PAX9: variants seen among roughly 807,000 people sequenced by gnomAD.
PAX9 encodes the protein paired box protein Pax-9.
Under a neutral mutation model 29.1 loss-of-function variants are expected in PAX9, and 6 were observed. The observed-to-expected ratio is 0.21, with a 90% CI of 0.11 to 0.41. PAX9 has a LOEUF of 0.41. Among genes scored for constraint, PAX9 ranks in the 10% least tolerant of loss-of-function variants. The pLI is 1.00. For missense variants in PAX9, 443 were observed against 479.1 expected, an observed-to-expected ratio of 0.92 and a Z score of 0.70; for synonymous variants, 217 against 211.7, an observed-to-expected ratio of 1.03 and a Z score of -0.22.
In PAX9 at chr14:36,661,968, G is replaced by A. The variant is rs1566466160; in HGVS notation, c.-122G>A. ...TTTTGCCCTCTCGCCTCCTCCTCCT[G>A]GGAAGAAGCGGAGGCGCCGGCGGTC... On this transcript the variant is annotated 5_prime_UTR_variant, in exon 1 of 4. Transcript: ENST00000361487. 2.4e-6 allele frequency: 3 copies of A among 1,230,392 alleles called. No homozygotes were observed. Among genetic ancestry groups the A allele is most frequent in the Non-Finnish European group, 3.5e-6 (3 of 855,504 alleles). 76.2% of individuals were successfully genotyped at this position (1,230,392 alleles called of 1,614,324 possible).
chr14:36,676,732 C>G lies in PAX9; in HGVS notation c.*280C>G. On this transcript the variant is annotated 3_prime_UTR_variant, in exon 4 of 4. Coordinates refer to ENST00000361487, the MANE Select transcript of PAX9 (RefSeq NM_001372076.1). ...TTGCCCACATACTGTCTTAACATAACAAAGAAACCTACACCCCTCAAAGGG... is the reference window on the plus strand; with the variant it reads ...TTGCCCACATACTGTCTTAACATAAGAAAGAAACCTACACCCCTCAAAGGG... 2.1e-6 allele frequency: 1 copy of G among 477,376 alleles called. No homozygotes were observed. The highest frequency in any genetic ancestry group is 3.8e-6 in the Non-Finnish European group (1 of 260,490). 29.6% of individuals were successfully genotyped at this position (477,376 alleles called of 1,614,324 possible).
At chr14:36,664,568 G>GGTTTTTTTT (rs1161471989) in intron 2 of PAX9, among the ~76,000 whole-genome samples, 101 of 141,992 alleles carry the variant, frequency 7.1e-4, no homozygotes, top group Middle Eastern at 3.8e-3. Context: ...CTTTTACTGA[G>GGTTTTTTTT]TTTTTTTTTT....
rs148038041 is a variant in PAX9, at chr14:36,679,128, A to G, written c.*2676A>G. ...CAGCGCTCTCATTGGATGTAAGAAT[A>G]TTACCTGCAAGGATAGAATGCAGTT... On this transcript the variant is annotated 3_prime_UTR_variant, in exon 4 of 4. Transcript: ENST00000361487. 9.5e-4 allele frequency: 932 copies of G among 985,416 alleles called. 5 individuals are homozygous for G. The African/African-American group carries it at 0.015, about 16-fold the overall frequency. 61.0% of individuals were successfully genotyped at this position (985,416 alleles called of 1,614,324 possible).
At chr14:36,665,061 G>A (rs1014533059) in intron 2 of PAX9, among the ~76,000 whole-genome samples, 1 of 150,284 alleles carries the variant, frequency 6.7e-6, no homozygotes, top group African/African-American at 2.4e-5. Context: ...ACTGCCTTTT[G>A]TCTGGGAAGG....
intron 3 of PAX9, chr14:36,671,860 C>T (rs1477469924): frequency 6.6e-6 from 1 of 152,122 alleles, no homozygotes; most frequent in African/African-American, 2.4e-5. Context: ...CCGTTAATGT[C>T]AGTGTGATGA....
At chr14:36,673,719 T>G (rs1274373444) in intron 3 of PAX9, among the ~76,000 whole-genome samples, 1 of 152,150 alleles carries the variant, frequency 6.6e-6, no homozygotes, top group African/African-American at 2.4e-5. Context: ...AAAGAATGGG[T>G]AGGAAAAATT....
At chr14:36,660,026 G>T (rs193167745), upstream of PAX9, among the ~76,000 whole-genome samples, 294 of 152,242 alleles carry the variant, frequency 1.9e-3, no homozygotes, top group African/African-American at 6.7e-3. Flanking sequence ...TGGCGCAGAG[G>T]TCGATACTCA....
chr14:36,665,830 G>C (rs1169278289), intron 2 of PAX9, among the ~76,000 whole-genome samples: 7 of 152,234 alleles, frequency 4.6e-5, no homozygotes, highest in African/African-American at 1.7e-4. Flanking sequence ...TGTAGAGGTA[G>C]TGTATCAAGG....
intron 2 of PAX9, 172 bp from the exon 3 acceptor site, chr14:36,666,290 G>A: frequency 2.7e-6 from 2 of 736,004 alleles, no homozygotes; most frequent in Non-Finnish European, 4.4e-6. Context: ...CCAGGCCCTG[G>A]GCTGGAAGCA....
At chr14:36,669,848 A>G (rs1158670650) in intron 3 of PAX9, among the ~76,000 whole-genome samples, 1 of 152,020 alleles carries the variant, frequency 6.6e-6, no homozygotes, top group Admixed American at 6.5e-5. Flanking sequence ...AGAAGTCCTT[A>G]TTGTCTCTGA....
Position 36,679,015 on chromosome 14 carries a change from T to TAA in PAX9, c.*2565_*2566dup, listed in dbSNP as rs3061566. 0.5 allele frequency: 494,567 copies of TAA among 980,722 alleles called. 126,060 individuals carry two copies. Among genetic ancestry groups the TAA allele is most frequent in the Admixed American group, 0.61 (9,958 of 16,258 alleles). The allele number at this position is 980,722 out of a possible 1,614,324, so 60.8% of individuals were successfully genotyped here. A position where few individuals can be genotyped will look rare whatever the true frequency, so the allele number is the denominator to read the frequency against. ...TCATAGATGGTAAAAGTGTTGCTTT[T>TAA]AAACTGGCAAATGCACTCTTCAGAA... On this transcript the variant is annotated 3_prime_UTR_variant, in exon 4 of 4. Coordinates refer to ENST00000361487, the MANE Select transcript of PAX9 (RefSeq NM_001372076.1).
At chr14:36,666,626 G>T (rs1398831108) in intron 3 of PAX9, 25 bp downstream of exon 3, 2 of 1,555,234 alleles carry the variant, frequency 1.3e-6, no homozygotes, top group African/African-American at 2.7e-5. Flanking sequence ...GTCAGGCCAG[G>T]TGGGCCGCGT....
intron 2 of PAX9, 42 bp downstream of exon 2, chr14:36,663,565 C>T (rs886192756): frequency 2.5e-6 from 4 of 1,609,820 alleles, no homozygotes; most frequent in African/African-American, 2.7e-5. Flanking sequence ...GCAGCGTCTG[C>T]CCCCGCACTC....
chr14:36,662,875 G>A (rs1881335138), intron 1 of PAX9, 22 bp from the exon 2 acceptor site: 2 of 1,603,262 alleles, frequency 1.2e-6, no homozygotes, highest in Non-Finnish European at 1.7e-6. Flanking sequence ...GCGTCCCTGC[G>A]CGCTGTGTGT....
upstream of PAX9, among the ~76,000 whole-genome samples, chr14:36,660,442 C>T (rs546817753): frequency 1.1e-4 from 17 of 152,364 alleles, no homozygotes; most frequent in African/African-American, 4.1e-4. Context: ...CTTTCACATC[C>T]TCCATTCTGT....
intron 3 of PAX9, among the ~76,000 whole-genome samples, chr14:36,673,027 G>A (rs989290706): frequency 1.3e-5 from 2 of 150,894 alleles, no homozygotes; most frequent in Non-Finnish European, 3.0e-5. Context: ...CACCACACCC[G>A]GCTAATTTTT....
intron 3 of PAX9, 92 bp downstream of exon 3, chr14:36,666,693 C>T (rs1286970929): frequency 2.7e-6 from 4 of 1,470,660 alleles, no homozygotes; most frequent in African/African-American, 1.4e-5. Flanking sequence ...CTGAGCTTCC[C>T]GCGAGAGAAG....
intron 3 of PAX9, among the ~76,000 whole-genome samples, chr14:36,668,650 G>T (rs998955311): frequency 6.6e-6 from 1 of 152,078 alleles, no homozygotes; most frequent in African/African-American, 2.4e-5. Flanking sequence ...GCCTCCCAAA[G>T]TGCTGGGATT....
intron 2 of PAX9, among the ~76,000 whole-genome samples, chr14:36,664,413 A>T (rs1333151586): frequency 6.6e-6 from 1 of 151,964 alleles, no homozygotes; most frequent in Non-Finnish European, 1.5e-5. Context: ...TAGTTCCTGC[A>T]TGTTTTAAGC....
Sources: gnomAD v4.1 joint callset for allele counts (sites outside exome capture counted in the v4.1 genomes callset) on GRCh38, gnomAD v4.1.1 for gene constraint, MANE v1.5 for transcripts, NCBI Gene and HGNC (gene_info 2026-07-23, HGNC 2026-07-21) for gene names.